The following CDH13 variants were observed in gnomAD, a reference collection of about 807,000 sequenced individuals.
The protein encoded by CDH13 is cadherin 13.
CDH13 carries 24 observed loss-of-function variants against 63.8 expected under a neutral mutation model. That is an observed-to-expected ratio of 0.38 (90% CI 0.27 to 0.53). The LOEUF is 0.53. CDH13 is among the 20% of genes least tolerant of loss of function. The pLI is 0.85. For missense variants in CDH13, 1,049 were observed against 903.1 expected (o/e 1.16, Z -2.07); for synonymous variants, 503 against 355.3 (o/e 1.42, Z -4.67).
In CDH13 at chr16:83,136,379, G is replaced by A. The variant is rs367682364; in HGVS notation, c.483+10878G>A. On this transcript the variant is annotated intron_variant, in intron 4 of 13. Coordinates refer to ENST00000567109, the MANE Select transcript of CDH13 (RefSeq NM_001257.5). ...TGTGCGCCTGTAGTCCCAGCTACTC[G>A]GGAGGCTGAGGCAGGAGAATGGCGT... Among the ~76,000 whole-genome samples, 18 of 151,586 alleles carry A rather than the reference G, an allele frequency of 1.2e-4. No individual in the cohort carries two copies. In the East Asian group the frequency reaches 2.2e-3, roughly 18 times the overall value.
At chr16:83,368,233 A>G (rs1218970748) in intron 6 of CDH13, among the ~76,000 whole-genome samples, 2 of 152,198 alleles carry the variant, frequency 1.3e-5, no homozygotes, top group African/African-American at 2.4e-5. Context: ...CCCAACATTC[A>G]TATTCTGTTT....
chr16:83,441,067 A>G (rs576223433), intron 6 of CDH13, among the ~76,000 whole-genome samples: 2 of 152,350 alleles, frequency 1.3e-5, no homozygotes, highest in East Asian at 3.9e-4. Context: ...TTCTTTCATC[A>G]GAGAGATGTT....
chr16:83,420,125 G>C (rs2071673279), intron 6 of CDH13, among the ~76,000 whole-genome samples: 2 of 152,078 alleles, frequency 1.3e-5, no homozygotes, highest in East Asian at 1.9e-4. Context: ...AAATTCTCAA[G>C]ATCAGGACAT....
intron 3 of CDH13, among the ~76,000 whole-genome samples, chr16:83,083,682 A>C (rs186424564): frequency 6.6e-6 from 1 of 152,324 alleles, no homozygotes; most frequent in East Asian, 1.9e-4. Context: ...CTATAGTTGG[A>C]AGTGTCTTTT....
chr16:82,710,555 AT>A lies in CDH13; in HGVS notation c.45+83419del, dbSNP rs1567649963. Among the ~76,000 whole-genome samples the A allele has an allele frequency of 1.7e-3, 132 of 78,012 alleles. 3 individuals are homozygous for A. The highest frequency in any genetic ancestry group is 5.3e-3 in the African/African-American group (110 of 20,932). 51.2% of individuals were successfully genotyped at this position (78,012 alleles called of 152,430 possible). A position where few individuals can be genotyped will look rare whatever the true frequency, so the allele number is the denominator to read the frequency against. On this transcript the variant is annotated intron_variant, in intron 1 of 13. Transcript: ENST00000567109. ...CTCAAAAAAAAAAAAAAAAAAAAAT[AT>A]ATATATATATATATATATATAAATA...
At chr16:83,398,114 G>A (rs559709630) in intron 6 of CDH13, 1 of 129,244 alleles carries the variant, frequency 7.7e-6, no homozygotes. Context: ...ATTTGTTTAA[G>A]TACTCATTGC....
At chr16:83,084,914 AGAGGTGTTTTT>A (rs2033484563) in intron 3 of CDH13, among the ~76,000 whole-genome samples, 1 of 152,222 alleles carries the variant, frequency 6.6e-6, no homozygotes, top group Non-Finnish European at 1.5e-5. Flanking sequence ...TTGAGTAAGT[AGAGGTGTTTTT>A]CTTGCCTAAC....
chr16:82,983,641 A>T (rs1274444668), intron 2 of CDH13, among the ~76,000 whole-genome samples: 3 of 152,218 alleles, frequency 2.0e-5, no homozygotes, highest in Non-Finnish European at 4.4e-5. Flanking sequence ...ATGATGTCAC[A>T]CTTGACATAA....
chr16:83,645,154 C>T (rs1264076917), intron 8 of CDH13, among the ~76,000 whole-genome samples: 1 of 152,204 alleles, frequency 6.6e-6, no homozygotes, highest in Non-Finnish European at 1.5e-5. Context: ...CCTAAGTGTA[C>T]ATCAACGATT....
chr16:83,681,283 C>T (rs547065836), intron 10 of CDH13, among the ~76,000 whole-genome samples: 1 of 152,258 alleles, frequency 6.6e-6, no homozygotes, highest in South Asian at 2.1e-4. Flanking sequence ...ACCTTGTGAA[C>T]CCCACAGAAA....
At chr16:83,761,861 G>C (rs1280221887) in intron 11 of CDH13, among the ~76,000 whole-genome samples, 2 of 152,134 alleles carry the variant, frequency 1.3e-5, no homozygotes, top group Admixed American at 6.5e-5. Flanking sequence ...AAGGTCAGTA[G>C]TTCGATACCA....
chr16:82,941,149 A>C (rs1156915027), intron 2 of CDH13, among the ~76,000 whole-genome samples: 1 of 152,218 alleles, frequency 6.6e-6, no homozygotes. Flanking sequence ...AGTGAACAAA[A>C]TGCCTAAATT....
intron 4 of CDH13, among the ~76,000 whole-genome samples, chr16:83,141,923 A>G (rs2036545623): frequency 6.6e-6 from 1 of 151,956 alleles, no homozygotes; most frequent in Non-Finnish European, 1.5e-5. Flanking sequence ...CAACTCCCCC[A>G]TGCACTCCCT....
intron 5 of CDH13, among the ~76,000 whole-genome samples, chr16:83,286,851 C>A (rs187618260): frequency 2.7e-5 from 4 of 150,836 alleles, no homozygotes; most frequent in African/African-American, 4.9e-5. Context: ...TAGATATATA[C>A]CTCATATTCT....
chr16:82,707,657 C>T lies in CDH13; in HGVS notation c.45+80520C>T, dbSNP rs1319428564. 5.3e-5 allele frequency among the ~76,000 whole-genome samples: 8 copies of T among 152,264 alleles called. No homozygotes were observed. The East Asian group carries it at 1.5e-3, about 29-fold the overall frequency. ...CCTGTCTGATTTTGCAGAATTAGCTCCAACATGGTTTTGGTAACACCCGTT... is the reference window on the plus strand; with the variant it reads ...CCTGTCTGATTTTGCAGAATTAGCTTCAACATGGTTTTGGTAACACCCGTT... On this transcript the variant is annotated intron_variant, in intron 1 of 13. Coordinates refer to ENST00000567109, the MANE Select transcript of CDH13 (RefSeq NM_001257.5).
At chr16:83,571,081 A>G (rs930203653) in intron 7 of CDH13, among the ~76,000 whole-genome samples, 3 of 151,376 alleles carry the variant, frequency 2.0e-5, no homozygotes, top group Non-Finnish European at 4.4e-5. Flanking sequence ...AAGAAAGCCA[A>G]AACAGACCCC....
intron 5 of CDH13, among the ~76,000 whole-genome samples, chr16:83,296,741 T>C (rs761641152): frequency 6.6e-6 from 1 of 152,192 alleles, no homozygotes; most frequent in Non-Finnish European, 1.5e-5. Flanking sequence ...TCACTACTAT[T>C]TGAATATTTC....
intron 3 of CDH13, among the ~76,000 whole-genome samples, chr16:83,091,570 C>T (rs1287096571): frequency 2.0e-5 from 3 of 152,346 alleles, no homozygotes; most frequent in Non-Finnish European, 4.4e-5. Context: ...ACTAAGTCAG[C>T]TCAAGCCACT....
chr16:83,382,406 C>A (rs575078870), intron 6 of CDH13, among the ~76,000 whole-genome samples: 1 of 152,226 alleles, frequency 6.6e-6, no homozygotes, highest in Admixed American at 6.5e-5. Flanking sequence ...AAAAGTTGCA[C>A]GAACAGAACA....
Sources: gnomAD v4.1 joint callset for allele counts (sites outside exome capture counted in the v4.1 genomes callset) on GRCh38, gnomAD v4.1.1 for gene constraint, MANE v1.5 for transcripts, NCBI Gene and HGNC (gene_info 2026-07-23, HGNC 2026-07-21) for gene names.